XKR9: variants seen among roughly 807,000 people sequenced by gnomAD.
XKR9 encodes XK-related protein 9.
Under a neutral mutation model 32.0 loss-of-function variants are expected in XKR9, and 32 were observed. The ratio of observed to expected loss-of-function variants is 1.00; its 90% CI spans 0.76 to 1.34. The LOEUF (loss-of-function observed/expected upper bound fraction) is 1.34, where lower values mean the gene tolerates loss of function less well. Ranked by LOEUF, XKR9 falls within the 40% of genes most tolerant of loss-of-function variation. The pLI, the probability that XKR9 is intolerant of heterozygous loss-of-function variation, is 0.00. For missense variants in XKR9, 546 were observed against 429.7 expected (o/e 1.27, Z -2.39); for synonymous variants, 168 against 143.4 (o/e 1.17, Z -1.22).
At chr8:70,938,331 C>A in the XKR9 span, among the ~76,000 whole-genome samples, 3 of 151,756 alleles carry the variant, frequency 2.0e-5, no homozygotes, top group Non-Finnish European at 4.4e-5. Flanking sequence ...GTTGGTCCTG[C>A]TTGGGAACAG....
the XKR9 span, among the ~76,000 whole-genome samples, chr8:70,810,578 T>C: frequency 2.0e-5 from 3 of 151,628 alleles, no homozygotes; most frequent in Non-Finnish European, 4.4e-5. Context: ...AGACTCAAAA[T>C]AAAGGGATGG....
chr8:70,763,951 A>G (rs1281432785), intron 2 of XKR9, among the ~76,000 whole-genome samples: 2 of 152,188 alleles, frequency 1.3e-5, no homozygotes, highest in African/African-American at 4.8e-5. Context: ...CAGATTTTTC[A>G]GGCCCTTGTA....
the XKR9 span, among the ~76,000 whole-genome samples, chr8:70,860,535 T>G: frequency 1.3e-5 from 2 of 152,112 alleles, no homozygotes; most frequent in African/African-American, 2.4e-5. Flanking sequence ...TAAACTTAAT[T>G]TATAATATTC....
chr8:70,877,556 G>T, the XKR9 span, among the ~76,000 whole-genome samples: 2 of 152,060 alleles, frequency 1.3e-5, no homozygotes, highest in African/African-American at 2.4e-5. Context: ...TGTATTATAG[G>T]TATCAGTGAT....
chr8:70,741,863 C>T (rs1476417459), intron 2 of XKR9, among the ~76,000 whole-genome samples: 3 of 152,106 alleles, frequency 2.0e-5, no homozygotes, highest in Non-Finnish European at 4.4e-5. Context: ...TTTTGAGGAA[C>T]CTTTATACTG....
At chr8:71,035,765 A>C in the XKR9 span, among the ~76,000 whole-genome samples, 2 of 152,182 alleles carry the variant, frequency 1.3e-5, no homozygotes, top group South Asian at 4.1e-4. Context: ...TTTGAGAAAC[A>C]GCAGAAGCAG....
intron 4 of XKR9, among the ~76,000 whole-genome samples, chr8:70,733,326 C>T (rs1806735180): frequency 6.6e-6 from 1 of 151,976 alleles, no homozygotes; most frequent in Non-Finnish European, 1.5e-5. Flanking sequence ...TACCCCTCCT[C>T]CTCTCCTTCC....
the XKR9 span, among the ~76,000 whole-genome samples, chr8:71,016,599 C>T: frequency 6.6e-6 from 1 of 152,178 alleles, no homozygotes; most frequent in Non-Finnish European, 1.5e-5. Flanking sequence ...GATTTGTAAG[C>T]CCAATGTGTA....
At chr8:70,742,154 T>C (rs1806996047) in intron 2 of XKR9, among the ~76,000 whole-genome samples, 1 of 152,178 alleles carries the variant, frequency 6.6e-6, no homozygotes, top group Non-Finnish European at 1.5e-5. Context: ...AGTATATAAA[T>C]AACTTCTGTA....
chr8:70,881,956 C>A, the XKR9 span, among the ~76,000 whole-genome samples: 2 of 152,172 alleles, frequency 1.3e-5, no homozygotes, highest in African/African-American at 4.8e-5. Context: ...AGTTCATGTC[C>A]TTTGCAGGGA....
the XKR9 span, among the ~76,000 whole-genome samples, chr8:70,885,950 T>A: frequency 6.9e-3 from 1,054 of 152,242 alleles, 5 homozygotes; most frequent in Non-Finnish European, 0.011. Flanking sequence ...TGCAGTTTTG[T>A]TACATAGGTA....
chr8:70,917,691 C>A, the XKR9 span, among the ~76,000 whole-genome samples: 1 of 152,178 alleles, frequency 6.6e-6, no homozygotes, highest in Non-Finnish European at 1.5e-5. Context: ...TTAAAAACAT[C>A]AACTGTCGTA....
At chr8:70,685,054 A>G (rs1456207049) in intron 3 of XKR9, among the ~76,000 whole-genome samples, 1 of 150,096 alleles carries the variant, frequency 6.7e-6, no homozygotes, top group Non-Finnish European at 1.5e-5. Context: ...ACGTATGTTG[A>G]TTGCAGCACT....
chr8:70,673,182 T>C (rs1818774275), intron 1 of XKR9, among the ~76,000 whole-genome samples: 1 of 152,202 alleles, frequency 6.6e-6, no homozygotes, highest in Non-Finnish European at 1.5e-5. Flanking sequence ...TTCTAGTAGT[T>C]TTATAGTTTA....
At chr8:70,793,073 A>G (rs1055669895), downstream of XKR9, among the ~76,000 whole-genome samples, 12 of 152,134 alleles carry the variant, frequency 7.9e-5, no homozygotes, top group African/African-American at 2.9e-4. Flanking sequence ...TCTTCTGTTT[A>G]GATCCTTGAA....
the XKR9 span, among the ~76,000 whole-genome samples, chr8:70,994,032 AC>A: frequency 6.6e-6 from 1 of 152,244 alleles, no homozygotes; most frequent in East Asian, 1.9e-4. Context: ...ACTGGCCCTC[AC>A]CAAATCTGGC....
the XKR9 span, among the ~76,000 whole-genome samples, chr8:70,810,265 T>G: frequency 1.3e-5 from 2 of 152,148 alleles, no homozygotes; most frequent in African/African-American, 4.8e-5. Flanking sequence ...CCACCAGGCC[T>G]GCCCTAAAAG....
chr8:70,850,120 G>A, the XKR9 span, among the ~76,000 whole-genome samples: 1 of 152,016 alleles, frequency 6.6e-6, no homozygotes, highest in African/African-American at 2.4e-5. Context: ...CTCTTTTCAT[G>A]AGGCCAGCAT....
At chr8:70,790,071 C>A (rs1206136676) in intron 3 of XKR9, 1 of 145,104 alleles carries the variant, frequency 6.9e-6, no homozygotes, top group Non-Finnish European at 1.5e-5. Context: ...TTTTTGGCCT[C>A]ATGTCACAGA....
Sources: allele counts gnomAD v4.1 joint callset (sites outside exome capture counted in the v4.1 genomes callset), GRCh38; gene constraint gnomAD v4.1.1; transcripts MANE v1.5; gene names NCBI Gene and HGNC (gene_info 2026-07-23, HGNC 2026-07-21).